TRIOBP: variants seen among roughly 807,000 people sequenced by gnomAD.
TRIOBP encodes TRIO and F-actin binding protein.
In TRIOBP, 169 loss-of-function variants were observed where a neutral mutation model predicts 238.8. The ratio of observed to expected loss-of-function variants is 0.71; its 90% confidence interval spans 0.62 to 0.80. The LOEUF is 0.80. Ranked by LOEUF, TRIOBP falls within the 30% of genes least tolerant of loss-of-function variation. The pLI, the probability that TRIOBP is intolerant of heterozygous loss-of-function variation, is 0.00. For synonymous variants in TRIOBP, 1,150 were observed against 1,274.4 expected (o/e 0.90, Z 2.08); for missense variants, 2,838 against 3,122.6 (o/e 0.91, Z 2.17).
chr22:37,774,346 T>G lies in TRIOBP; in HGVS notation c.*566T>G, dbSNP rs2145887861. 6.6e-6 allele frequency: 1 copy of G among 152,444 alleles called. No homozygotes were observed. 9.4% of individuals were successfully genotyped at this position (152,444 alleles called of 1,614,324 possible). ...TCCTACTAACACTTCCTGCCCCATT[T>G]GGACCCGTACCATGGGGCTCAGGAC... On this transcript the variant is annotated 3_prime_UTR_variant, in exon 24 of 24. Coordinates refer to ENST00000644935, the MANE Select transcript of TRIOBP (RefSeq NM_001039141.3).
chr22:37,713,206 C>G lies in TRIOBP; in HGVS notation c.255-4C>G. On this transcript the variant is annotated splice_region_variant and splice_polypyrimidine_tract_variant and intron_variant, in intron 4 of 23. Transcript: ENST00000644935. ...TTACTTTTTGGGTCTGTCTCCTCTCCCAGGGGCCCATCCCCCTCAGCAGGG... is the reference window on the plus strand; with the variant it reads ...TTACTTTTTGGGTCTGTCTCCTCTCGCAGGGGCCCATCCCCCTCAGCAGGG... The G allele has an allele frequency of 5.0e-6, 8 of 1,612,690 alleles. No homozygotes were observed. The highest frequency in any genetic ancestry group is 6.8e-6 in the Non-Finnish European group (8 of 1,179,474).
At position 37,726,517 on chromosome 22, in the gene TRIOBP, T is replaced by C; in HGVS notation, c.3947+14T>C. On this transcript the variant is annotated intron_variant, in intron 7 of 23. Transcript: ENST00000644935. ...GCAAGAGCGCAGGTGAGCCCGGGGG[T>C]GGGGTCAGCCAGGTGGGCTGGGGAG... is the stretch of plus-strand genomic sequence containing the variant. 1 of 1,467,216 alleles carries C rather than the reference T, an allele frequency of 6.8e-7. No homozygotes were observed. Among genetic ancestry groups the C allele is most frequent in the East Asian group, 2.6e-5 (1 of 39,096 alleles). The allele number at this position is 1,467,216 out of a possible 1,614,324, so 90.9% of individuals were successfully genotyped here. A position where few individuals can be genotyped will look rare whatever the true frequency, so the allele number is the denominator to read the frequency against.
intron 7 of TRIOBP, among the ~76,000 whole-genome samples, chr22:37,727,565 G>A (rs1260709968): frequency 1.3e-5 from 2 of 152,098 alleles, no homozygotes; most frequent in Non-Finnish European, 2.9e-5. Context: ...CAACTCGGGA[G>A]GCTGAGGCAG....
Position 37,758,026 on chromosome 22 carries a change from A to G in TRIOBP, c.6101A>G (p.Glu2034Gly), listed in dbSNP as rs1323340253. The change falls in exon 16 of 24, where the codon GAG becomes GGG. Residue 2034 changes from glutamate (E) to glycine (G), a missense_variant. Around this residue, in one of 5 missense-constraint regions of TRIOBP, gnomAD observed 2,096 missense variants for 2,137.4 expected, o/e 0.98. Coordinates refer to ENST00000644935, the MANE Select transcript of TRIOBP (RefSeq NM_001039141.3). The stretch of plus-strand genomic sequence containing the variant: ...ATCGAGAAGAAGTGGCAGGAGCTGG[A>G]GAAGCTGCCCCTGCGGGAGAATAAG... ...EEIEKKWQEL[E>G]KLPLRENKRV... is the part of the protein sequence containing the mutation. 2 of 1,610,664 alleles carry G rather than the reference A, an allele frequency of 1.2e-6. No individual in the cohort carries two copies. The highest frequency in any genetic ancestry group is 1.7e-6 in the Non-Finnish European group (2 of 1,179,040).
At chr22:37,759,629 G>A (rs969566309) in intron 17 of TRIOBP, 1 of 1,538,676 alleles carries the variant, frequency 6.5e-7, no homozygotes, top group Non-Finnish European at 8.7e-7. Context: ...GGCCCCGAGA[G>A]TCACTCCCTG....
chr22:37,705,705 A>G (rs1922908576), intron 3 of TRIOBP, among the ~76,000 whole-genome samples: 1 of 151,022 alleles, frequency 6.6e-6, no homozygotes, highest in East Asian at 2.0e-4. Context: ...CCTCCCAGGT[A>G]GCTGAGACTA....
intron 8 of TRIOBP, among the ~76,000 whole-genome samples, chr22:37,734,160 T>C (rs1924549186): frequency 6.6e-6 from 1 of 151,972 alleles, no homozygotes. Context: ...TTGAGAGGGG[T>C]GAGAAGCCAA....
intron 2 of TRIOBP, 89 bp from the exon 3 acceptor site, chr22:37,701,217 C>A: frequency 3.0e-6 from 2 of 676,000 alleles, no homozygotes; most frequent in Admixed American, 2.1e-5. Flanking sequence ...TTCCTTGGTC[C>A]TTGTCTGGAA....
rs905828014 is a variant in TRIOBP at position 37,724,725 on chromosome 22, C to A, written c.2169C>A (p.Ser723=). The change falls in exon 7 of 24, where the codon TCC becomes TCA. Residue 723 remains serine, a synonymous_variant. Transcript: ENST00000644935. ...CCCAACAAGAGAACCCCAGAACATC[C>A]TGTGCCCGACGGGACAATCCCAGAG... The part of the protein sequence containing the change: ...RTTQQENPRT[S]CARRDNPRAS... 3.1e-6 allele frequency: 5 copies of A among 1,611,616 alleles called. No homozygotes were observed. The African/African-American group carries it at 5.4e-5, about 17-fold the overall frequency.
chr22:37,739,086 G>A (rs548380055), intron 10 of TRIOBP, among the ~76,000 whole-genome samples: 2 of 152,284 alleles, frequency 1.3e-5, no homozygotes, highest in Non-Finnish European at 2.9e-5. Flanking sequence ...GGGCTTCCAC[G>A]AGCAGGAGCC....
At chr22:37,721,334 C>T (rs1213757142) in intron 6 of TRIOBP, among the ~76,000 whole-genome samples, 2 of 152,154 alleles carry the variant, frequency 1.3e-5, no homozygotes, top group Non-Finnish European at 2.9e-5. Flanking sequence ...TTTGAATTCC[C>T]TGCTAGGTGC....
chr22:37,744,216 G>C (rs181111675), intron 11 of TRIOBP, among the ~76,000 whole-genome samples: 85 of 152,076 alleles, frequency 5.6e-4, no homozygotes, highest in African/African-American at 2.0e-3. Flanking sequence ...CACCATGTTG[G>C]CCAGCCTAGT....
chr22:37,742,937 T>C (rs1925012278), intron 11 of TRIOBP, among the ~76,000 whole-genome samples: 1 of 152,140 alleles, frequency 6.6e-6, no homozygotes, highest in African/African-American at 2.4e-5. Flanking sequence ...GGAGGGTCAC[T>C]TGCTCCAGGT....
chr22:37,745,620 T>G (rs555555566), intron 11 of TRIOBP, among the ~76,000 whole-genome samples: 1 of 152,214 alleles, frequency 6.6e-6, no homozygotes, highest in Admixed American at 6.5e-5. Flanking sequence ...AGAACTCACT[T>G]TGTGTCCAGC....
At chr22:37,759,620 GC>G in intron 17 of TRIOBP, 1 of 1,544,108 alleles carries the variant, frequency 6.5e-7, no homozygotes, top group Non-Finnish European at 8.7e-7. Flanking sequence ...GGGGCTAGTG[GC>G]CCCGAGAGTC....
intron 3 of TRIOBP, among the ~76,000 whole-genome samples, chr22:37,704,494 A>AG (rs1249145681): frequency 6.6e-6 from 1 of 150,628 alleles, no homozygotes; most frequent in Non-Finnish European, 1.5e-5. Context: ...AGGGGGAGAG[A>AG]GAGGAGGAGA....
At chr22:37,733,755 C>T (rs562166497) in intron 8 of TRIOBP, among the ~76,000 whole-genome samples, 72 of 148,274 alleles carry the variant, frequency 4.9e-4, no homozygotes, top group Admixed American at 8.2e-4. Context: ...ACTGCAACCT[C>T]TGCCTCCCAG....
In TRIOBP at chr22:37,726,002, C is replaced by T. The variant is rs1246672003; in HGVS notation, c.3446C>T (p.Pro1149Leu). 3 of 1,609,504 alleles carry T rather than the reference C, an allele frequency of 1.9e-6. No homozygotes were observed. Among genetic ancestry groups the T allele is most frequent in the Non-Finnish European group, 2.5e-6 (3 of 1,178,556 alleles). Residue 1149 changes from proline to leucine, a missense_variant, in exon 7 of 24, where the codon CCT becomes CTT. By Grantham distance (98) the Pro-to-Leu change is moderately conservative. This residue lies in a region of TRIOBP where 2,096 missense variants were observed against 2,137.4 expected (regional missense o/e 0.98). Coordinates refer to ENST00000644935, the MANE Select transcript of TRIOBP (RefSeq NM_001039141.3). Reference sequence around the variant, plus strand: ...AGGGCCAGCACAGAGAGCCTTGTCCCTTCCATGGACTCTCTGCACGAGTGC... The same window carrying T: ...AGGGCCAGCACAGAGAGCCTTGTCCTTTCCATGGACTCTCTGCACGAGTGC... ...LPRASTESLV[P>L]SMDSLHECPH...
Position 37,713,215 on chromosome 22 carries a change from C to T in TRIOBP, c.260C>T (p.Pro87Leu), listed in dbSNP as rs766571455. Residue 87 changes from proline to leucine, a missense_variant, in exon 5 of 24, where the codon CCA becomes CTA. This residue lies in a region of TRIOBP where 535 missense variants were observed against 537.3 expected (regional missense o/e 1.00). Transcript: ENST00000644935. ...GGGTCTGTCTCCTCTCCCAGGGGCC[C>T]ATCCCCCTCAGCAGGGCTCCCAGAA... The part of the protein sequence containing the change: ...PGLRPGPKRG[P>L]SPSAGLPEEG... 8 of 1,613,296 alleles carry T rather than the reference C, an allele frequency of 5.0e-6. No individual in the cohort carries two copies. Among genetic ancestry groups the T allele is most frequent in the Non-Finnish European group, 6.8e-6 (8 of 1,179,672 alleles).
Sources: gnomAD v4.1 joint callset for allele counts (sites outside exome capture counted in the v4.1 genomes callset) on GRCh38, gnomAD v4.1.1 for gene constraint, gnomAD v4.1.1 regional missense constraint, MANE v1.5 for transcripts, NCBI Gene and HGNC (gene_info 2026-07-23, HGNC 2026-07-21) for gene names.